The following ZNF184 variants were observed in gnomAD, a reference collection of about 807,000 sequenced individuals.
ZNF184 encodes zinc finger protein 184.
In ZNF184, 16 loss-of-function variants were observed where a neutral mutation model predicts 54.4. That is an observed-to-expected ratio of 0.29 (90% CI 0.20 to 0.45). The LOEUF is 0.45. Ranked by LOEUF, ZNF184 falls within the 20% of genes least tolerant of loss-of-function variation. ZNF184 has a pLI of 1.00. For missense variants in ZNF184, 681 were observed against 888.2 expected (o/e 0.77, Z 2.97); for synonymous variants, 254 against 295.3 (o/e 0.86, Z 1.43).
At chr6:27,424,028 A>C in the ZNF184 span, among the ~76,000 whole-genome samples, 4 of 152,188 alleles carry the variant, frequency 2.6e-5, no homozygotes, top group African/African-American at 4.8e-5. Context: ...GAAGCCACGA[A>C]CCCTCGCGGT....
the ZNF184 span, among the ~76,000 whole-genome samples, chr6:27,442,900 A>AAAAGAAAGAAAG: frequency 6.9e-5 from 8 of 116,582 alleles, no homozygotes; most frequent in Non-Finnish European, 7.5e-5. Context: ...AAGAAAGAAA[A>AAAAGAAAGAAAG]AAAAAAAGAA....
At chr6:27,415,866 T>G in the ZNF184 span, among the ~76,000 whole-genome samples, 1 of 152,166 alleles carries the variant, frequency 6.6e-6, no homozygotes, top group African/African-American at 2.4e-5. Context: ...ACTGGGTGGC[T>G]TAAACAACAG....
the ZNF184 span, among the ~76,000 whole-genome samples, chr6:27,425,272 C>T: frequency 6.6e-6 from 1 of 152,220 alleles, no homozygotes; most frequent in Non-Finnish European, 1.5e-5. Context: ...GAAAGGGGCT[C>T]CCACAGTGCA....
the ZNF184 span, among the ~76,000 whole-genome samples, chr6:27,437,720 CT>C: frequency 6.6e-6 from 1 of 152,204 alleles, no homozygotes; most frequent in Admixed American, 6.5e-5. Context: ...GCTTTGGTGT[CT>C]TTGCAACTAA....
intron 3 of ZNF184, among the ~76,000 whole-genome samples, chr6:27,464,702 A>G (rs1045256791): frequency 6.6e-6 from 1 of 152,126 alleles, no homozygotes; most frequent in African/African-American, 2.4e-5. Context: ...CAAGAAGCAG[A>G]GATTTCCAGA....
At chr6:27,423,204 C>T in the ZNF184 span, among the ~76,000 whole-genome samples, 2 of 152,314 alleles carry the variant, frequency 1.3e-5, no homozygotes, top group African/African-American at 2.4e-5. Context: ...CTTAGGATTT[C>T]CACGCGCCTT....
the ZNF184 span, among the ~76,000 whole-genome samples, chr6:27,440,579 T>C: frequency 1.3e-5 from 2 of 152,136 alleles, no homozygotes; most frequent in South Asian, 2.1e-4. Flanking sequence ...ATGTGATCTG[T>C]TTAGATTTGT....
the ZNF184 span, among the ~76,000 whole-genome samples, chr6:27,424,814 C>T: frequency 5.3e-5 from 8 of 152,062 alleles, no homozygotes; most frequent in Non-Finnish European, 8.9e-5. Flanking sequence ...GCCAGTCCCG[C>T]GCAGTGCGCC....
the ZNF184 span, among the ~76,000 whole-genome samples, chr6:27,407,402 T>G: frequency 6.6e-6 from 1 of 152,140 alleles, no homozygotes; most frequent in Non-Finnish European, 1.5e-5. Flanking sequence ...ACTCTTTCTC[T>G]CTATGGGCAC....
At chr6:27,437,423 T>G in the ZNF184 span, among the ~76,000 whole-genome samples, 63,374 of 151,988 alleles carry the variant, frequency 0.42, 13,971 homozygotes, top group South Asian at 0.56. Context: ...GGGATCTCAG[T>G]CCTTCAATTA....
At chr6:27,436,216 C>T in the ZNF184 span, among the ~76,000 whole-genome samples, 1 of 152,014 alleles carries the variant, frequency 6.6e-6, no homozygotes, top group South Asian at 2.1e-4. Context: ...ACTCTGTCAC[C>T]CAGGTGGCAC....
the ZNF184 span, among the ~76,000 whole-genome samples, chr6:27,431,952 G>A: frequency 6.6e-6 from 1 of 152,208 alleles, no homozygotes; most frequent in South Asian, 2.1e-4. Flanking sequence ...CACAGGTAAA[G>A]TATGGCAGGC....
the ZNF184 span, among the ~76,000 whole-genome samples, chr6:27,439,098 G>T: frequency 0.048 from 7,313 of 152,212 alleles, 253 homozygotes; most frequent in Non-Finnish European, 0.072. Flanking sequence ...TATTAGAAAT[G>T]CTGAATCCTA....
intron 3 of ZNF184, among the ~76,000 whole-genome samples, chr6:27,465,222 T>C (rs1437384484): frequency 2.0e-5 from 3 of 150,056 alleles, no homozygotes; most frequent in East Asian, 3.9e-4. Context: ...CGGTGGCTCA[T>C]GCCTGTAATC....
Position 27,453,234 on chromosome 6 carries a change from C to A in ZNF184, c.325G>T (p.Val109Leu). 1 of 1,603,544 alleles carries A rather than the reference C, an allele frequency of 6.2e-7. No individual in the cohort carries two copies. The change falls in exon 6 of 6, where the codon GTG (valine) becomes TTG (leucine). Residue 109 changes from valine (V) to leucine (L), a missense_variant. By Grantham distance (32) the Val-to-Leu change is conservative. Transcript: ENST00000683788. This position sits in a 1 kb window ranked among gnomAD's most constrained non-coding sequence, Gnocchi z 4.7. ...ADWETRLENS[V>L]SAPEPDISEE... The stretch of plus-strand genomic sequence containing the variant: ...GAAATGTCAGGCTCTGGGGCTGACA[C>A]ACTATTTTCAAGTCTTGTCTCCCAG...
intron 3 of ZNF184, among the ~76,000 whole-genome samples, chr6:27,458,816 T>C (rs1762928148): frequency 6.6e-6 from 1 of 152,122 alleles, no homozygotes; most frequent in Non-Finnish European, 1.5e-5. Context: ...AGCTAAGATA[T>C]AGAATCAACC....
the ZNF184 span, among the ~76,000 whole-genome samples, chr6:27,417,848 C>A: frequency 6.6e-6 from 1 of 152,232 alleles, no homozygotes; most frequent in South Asian, 2.1e-4. Flanking sequence ...TTTACTAATT[C>A]AACTTATATG....
rs1184250716 is a variant in ZNF184, at chr6:27,472,418, G to C, written c.-124C>G. ...TCCCCTTGCAGGGAATCTGCAACACGCTGAGGTTGTCTACCCTAAAAGACA... is the reference window on the plus strand; with the variant it reads ...TCCCCTTGCAGGGAATCTGCAACACCCTGAGGTTGTCTACCCTAAAAGACA... On this transcript the variant is annotated 5_prime_UTR_variant, in exon 2 of 6. Transcript: ENST00000683788. The surrounding 1 kb of genome is among the most constrained non-coding windows in gnomAD (Gnocchi z 4.8). The C allele has an allele frequency of 4.0e-6, 5 of 1,253,362 alleles. No homozygotes were observed. The highest frequency in any genetic ancestry group is 3.8e-5 in the Admixed American group (2 of 52,598). The allele number at this position is 1,253,362 out of a possible 1,614,324, so 77.6% of individuals were successfully genotyped here.
chr6:27,423,195 T>G, the ZNF184 span, among the ~76,000 whole-genome samples: 20 of 152,316 alleles, frequency 1.3e-4, no homozygotes, highest in South Asian at 2.7e-3. Context: ...CCCAGAAGTC[T>G]TAGGATTTCC....
Sources: allele counts gnomAD v4.1 joint callset (sites outside exome capture counted in the v4.1 genomes callset), GRCh38; gene constraint gnomAD v4.1.1; non-coding constraint Gnocchi (gnomAD v3.1); transcripts MANE v1.5; gene names NCBI Gene and HGNC (gene_info 2026-07-23, HGNC 2026-07-21).